Variants in PDYN observed in about 807,000 individuals in gnomAD.
PDYN encodes prodynorphin, also known as proenkephalin-B.
A neutral mutation model predicts 11.4 loss-of-function variants in PDYN; 5 were observed. The observed-to-expected ratio is 0.44, with a 90% CI of 0.23 to 0.92. The LOEUF (loss-of-function observed/expected upper bound fraction) is 0.92, where lower values mean the gene tolerates loss of function less well. Ranked by LOEUF, PDYN falls within the 40% of genes least tolerant of loss-of-function variation. PDYN has a pLI of 0.24. For missense variants in PDYN, 337 were observed against 317.3 expected (o/e 1.06, Z -0.47); for synonymous variants, 132 against 129.5 (o/e 1.02, Z -0.13).
In PDYN at chr20:1,980,879, G is replaced by C. The variant is rs759270820; in HGVS notation, c.209C>G (p.Thr70Ser). 6.2e-7 allele frequency: 1 copy of C among 1,614,198 alleles called. No homozygotes were observed. The highest frequency in any genetic ancestry group is 8.5e-7 in the Non-Finnish European group (1 of 1,180,026). ...ERCQSFLSFF[T>S]PSTLGLNDKE... ...GTCATTGAGCCCAAGGGTGGAGGGG[G>C]TGAAAAAAGACAGAAAGCTCTGGCA... Residue 70 changes from threonine (T) to serine (S), a missense_variant, in exon 4 of 4, where the codon ACC becomes AGC. Physicochemically the swap from Thr to Ser is moderately conservative, Grantham distance 58. Coordinates refer to ENST00000217305, the MANE Select transcript of PDYN (RefSeq NM_024411.5).
At chr20:1,987,530 G>T (rs563754109) in intron 2 of PDYN, among the ~76,000 whole-genome samples, 1 of 152,160 alleles carries the variant, frequency 6.6e-6, no homozygotes, top group Non-Finnish European at 1.5e-5. Flanking sequence ...CCTCACTGCC[G>T]ACTGCCTGAC....
At chr20:1,991,710 A>T (rs1048494950) in intron 2 of PDYN, among the ~76,000 whole-genome samples, 1 of 152,246 alleles carries the variant, frequency 6.6e-6, no homozygotes, top group African/African-American at 2.4e-5. Context: ...CATGCATTGA[A>T]ATCGAACCAG....
chr20:1,987,375 T>G (rs1988236188), intron 2 of PDYN, among the ~76,000 whole-genome samples: 2 of 152,120 alleles, frequency 1.3e-5, no homozygotes, highest in South Asian at 4.2e-4. Context: ...ATTAGGCAAT[T>G]TTTACATTTA....
Position 1,980,830 on chromosome 20 carries a change from C to T in PDYN, c.258G>A (p.Ser86=), listed in dbSNP as rs771289653. ...LNDKEDLGSK[S]VGEGPYSELA... ...GCTCACTGTAGGGCCCTTCCCCAAC[C>T]GACTTGCTCCCCAAGTCCTCCTTGT... Residue 86 remains serine (S), a synonymous_variant, in exon 4 of 4, where the codon TCG becomes TCA. Transcript: ENST00000217305. 11 of 1,614,222 alleles carry T rather than the reference C, an allele frequency of 6.8e-6. No homozygotes were observed. Among genetic ancestry groups the T allele is most frequent in the Non-Finnish European group, 9.3e-6 (11 of 1,180,046 alleles).
chr20:1,986,632 G>A (rs6045868), intron 2 of PDYN, among the ~76,000 whole-genome samples: 58,304 of 152,022 alleles, frequency 0.38, 13,176 homozygotes, highest in East Asian at 0.63. Flanking sequence ...TGACAACTCC[G>A]TAAGACTGGG....
chr20:1,989,480 G>T (rs1988337724), intron 2 of PDYN, among the ~76,000 whole-genome samples: 1 of 152,168 alleles, frequency 6.6e-6, no homozygotes, highest in African/African-American at 2.4e-5. Context: ...GCCAGCACAA[G>T]GTAGACCCTC....
chr20:1,991,342 C>T (rs950711620), intron 2 of PDYN, among the ~76,000 whole-genome samples: 3 of 152,218 alleles, frequency 2.0e-5, no homozygotes, highest in Admixed American at 6.5e-5. Context: ...TGTGGCCAGC[C>T]GCTCTGGCCA....
intron 2 of PDYN, among the ~76,000 whole-genome samples, chr20:1,990,368 G>T (rs1988379989): frequency 6.6e-6 from 1 of 152,174 alleles, no homozygotes; most frequent in African/African-American, 2.4e-5. Flanking sequence ...AGAAGCTTTT[G>T]CCCCACACTC....
At chr20:1,987,096 G>C (rs1375280247) in intron 2 of PDYN, among the ~76,000 whole-genome samples, 1 of 152,208 alleles carries the variant, frequency 6.6e-6, no homozygotes, top group Non-Finnish European at 1.5e-5. Flanking sequence ...GGATGACAAA[G>C]AGGCCAGGGT....
Position 1,980,282 on chromosome 20 carries a change from G to A in PDYN, c.*41C>T. On this transcript the variant is annotated 3_prime_UTR_variant, in exon 4 of 4. Coordinates refer to ENST00000217305, the MANE Select transcript of PDYN (RefSeq NM_024411.5). Reference sequence around the variant, plus strand: ...TGAATGCACTCCAACCTGAAAAGGTGTCAGGGGTTTCTCCTGACTCTACTC... The same window carrying A: ...TGAATGCACTCCAACCTGAAAAGGTATCAGGGGTTTCTCCTGACTCTACTC... 6.2e-7 allele frequency: 1 copy of A among 1,603,110 alleles called. No homozygotes were observed. Among genetic ancestry groups the A allele is most frequent in the Non-Finnish European group, 8.5e-7 (1 of 1,170,356 alleles).
chr20:1,983,370 G>C (rs1987955995), intron 2 of PDYN, among the ~76,000 whole-genome samples: 1 of 152,194 alleles, frequency 6.6e-6, no homozygotes, highest in African/African-American at 2.4e-5. Flanking sequence ...AATGTGGGCT[G>C]TGCTAGTTTG....
chr20:1,986,106 G>A (rs1051734269), intron 2 of PDYN, among the ~76,000 whole-genome samples: 3 of 152,198 alleles, frequency 2.0e-5, no homozygotes, highest in African/African-American at 7.2e-5. Flanking sequence ...AAGTACTCAC[G>A]ATGTTCTGAG....
Position 1,981,567 on chromosome 20 carries a change from G to C in PDYN, c.130-609C>G, listed in dbSNP as rs559322828. On this transcript the variant is annotated intron_variant, in intron 3 of 3. Transcript: ENST00000217305. The stretch of plus-strand genomic sequence containing the variant: ...TTCATGCTTAAACGTGGTGCTCTTT[G>C]AGATTGGGCACGGGCAGGACCTGGC... 2.6e-5 allele frequency among the ~76,000 whole-genome samples: 4 copies of C among 152,274 alleles called. No homozygotes were observed. In the South Asian group the frequency reaches 8.3e-4, roughly 32 times the overall value.
chr20:1,992,534 C>T (rs976058185), intron 2 of PDYN, 50 bp downstream of exon 2: 13 of 152,288 alleles, frequency 8.5e-5, no homozygotes, highest in African/African-American at 2.9e-4. Flanking sequence ...AAGCAGTGGG[C>T]TTGAGATCCC....
rs1988375868 is a variant in PDYN at position 1,990,283 on chromosome 20, T to C, written c.-20+2301A>G. Among the ~76,000 whole-genome samples the C allele has an allele frequency of 1.3e-5, 2 of 152,190 alleles. 1 individual carries two copies. The highest frequency in any genetic ancestry group is 4.1e-4 in the South Asian group (2 of 4,830). ...CTGCTGACCACGCCACAAACCATCC[T>C]GAGGCCTAAATATGTATCGAGTGTC... On this transcript the variant is annotated intron_variant, in intron 2 of 3. Transcript: ENST00000217305.
At position 1,992,099 on chromosome 20, in the gene PDYN, C is replaced by G. The variant is rs565256793; in HGVS notation, c.-20+485G>C. Among the ~76,000 whole-genome samples the G allele has an allele frequency of 1.3e-4, 20 of 152,256 alleles. No homozygotes were observed. The South Asian group carries it at 2.7e-3, about 21-fold the overall frequency. On this transcript the variant is annotated intron_variant, in intron 2 of 3. Coordinates refer to ENST00000217305, the MANE Select transcript of PDYN (RefSeq NM_024411.5). ...CACCTACTGAATGCCAGGCATTTTG[C>G]TATATCCCATTGGAGACTTGCAATA...
intron 3 of PDYN, among the ~76,000 whole-genome samples, chr20:1,982,205 C>T (rs896449776): frequency 1.3e-5 from 2 of 151,850 alleles, no homozygotes; most frequent in African/African-American, 2.4e-5. Flanking sequence ...CTCAGTGAGC[C>T]GACATCATGC....
rs201204862 is a variant in PDYN at position 1,980,397 on chromosome 20, G to T, written c.691C>A (p.Arg231=). The T allele has an allele frequency of 1.1e-4, 173 of 1,614,122 alleles. No homozygotes were observed. The highest frequency in any genetic ancestry group is 1.4e-4 in the Non-Finnish European group (161 of 1,180,024). ...CGAGTCACCACCTTGAACTGGCGCC[G>T]GAGAAAACCGCCATAGCGCTTCTGG... is the stretch of plus-strand genomic sequence containing the variant. ...DNQKRYGGFL[R]RQFKVVTRSQ... Residue 231 remains arginine (R), a synonymous_variant, in exon 4 of 4, where the codon CGG becomes AGG. Coordinates refer to ENST00000217305, the MANE Select transcript of PDYN (RefSeq NM_024411.5).
chr20:1,983,563 C>A (rs1050156634), intron 2 of PDYN, among the ~76,000 whole-genome samples: 1 of 152,210 alleles, frequency 6.6e-6, no homozygotes, highest in African/African-American at 2.4e-5. Context: ...TCCCTGTGTC[C>A]CAGACTGTCC....
Sources: gnomAD v4.1 joint callset for allele counts (sites outside exome capture counted in the v4.1 genomes callset) on GRCh38, gnomAD v4.1.1 for gene constraint, MANE v1.5 for transcripts, NCBI Gene and HGNC (gene_info 2026-07-23, HGNC 2026-07-21) for gene names.